Variants in GPC5 observed in about 807,000 individuals in gnomAD.
GPC5 encodes glypican-5.
A neutral mutation model predicts 53.9 loss-of-function variants in GPC5; 47 were observed. The ratio of observed to expected loss-of-function variants is 0.87; its 90% confidence interval spans 0.69 to 1.11. GPC5 has a LOEUF of 1.11. Among genes scored for constraint, GPC5 ranks in the 50% most tolerant of loss-of-function variants. The pLI is 0.00. For missense variants in GPC5, 748 were observed against 713.1 expected, an observed-to-expected ratio of 1.05 and a Z score of -0.56; for synonymous variants, 286 against 263.3, an observed-to-expected ratio of 1.09 and a Z score of -0.84.
rs570630391 is a variant in GPC5 at position 92,007,335 on chromosome 13, G to C, written c.1401+99278G>C. ...ATATATTGGCTGAAATCTCCTATTGGAGTTGTAGTTTAGTCTACCACATTT... is the reference window on the plus strand; with the variant it reads ...ATATATTGGCTGAAATCTCCTATTGCAGTTGTAGTTTAGTCTACCACATTT... On this transcript the variant is annotated intron_variant, in intron 6 of 7. Coordinates refer to ENST00000377067, the MANE Select transcript of GPC5 (RefSeq NM_004466.6). Among the ~76,000 whole-genome samples the C allele has an allele frequency of 7.9e-5, 12 of 152,152 alleles. No individual in the cohort carries two copies. In the South Asian group the frequency reaches 1.9e-3, roughly 24 times the overall value.
At chr13:92,439,980 T>C (rs1252119356) in intron 7 of GPC5, among the ~76,000 whole-genome samples, 1 of 152,152 alleles carries the variant, frequency 6.6e-6, no homozygotes, top group African/African-American at 2.4e-5. Context: ...CTTGAAGGTA[T>C]TGGCATACAA....
intron 7 of GPC5, among the ~76,000 whole-genome samples, chr13:92,699,431 G>A (rs1021139372): frequency 6.6e-6 from 1 of 151,554 alleles, no homozygotes; most frequent in Non-Finnish European, 1.5e-5. Flanking sequence ...CTCTCTTTCA[G>A]TTCTGTTCTG....
At chr13:92,744,509 A>T (rs2139316322) in intron 7 of GPC5, among the ~76,000 whole-genome samples, 1 of 152,030 alleles carries the variant, frequency 6.6e-6, no homozygotes, top group African/African-American at 2.4e-5. Flanking sequence ...ACAGGAAAAA[A>T]AAAAAAACCA....
intron 6 of GPC5, among the ~76,000 whole-genome samples, chr13:92,022,010 A>G (rs2040762794): frequency 1.3e-5 from 2 of 151,460 alleles, no homozygotes; most frequent in Admixed American, 1.3e-4. Context: ...GTATTTATTT[A>G]TTTTTTTCAG....
chr13:91,683,516 C>A (rs1056015228), intron 2 of GPC5, among the ~76,000 whole-genome samples: 5 of 152,166 alleles, frequency 3.3e-5, no homozygotes, highest in African/African-American at 1.2e-4. Flanking sequence ...CCTGGCAAAT[C>A]CTCTTTGCCT....
chr13:91,994,211 G>A (rs1314750265), intron 6 of GPC5, among the ~76,000 whole-genome samples: 1 of 152,186 alleles, frequency 6.6e-6, no homozygotes, highest in Admixed American at 6.5e-5. Flanking sequence ...TACCGTAAAG[G>A]AGAGAAAGCT....
At chr13:92,167,944 C>CA (rs1376504955) in intron 7 of GPC5, among the ~76,000 whole-genome samples, 3 of 151,988 alleles carry the variant, frequency 2.0e-5, no homozygotes, top group Non-Finnish European at 4.4e-5. Context: ...TCGTTAGATC[C>CA]AACGAGGAGG....
intron 6 of GPC5, among the ~76,000 whole-genome samples, chr13:91,948,627 T>C (rs180775770): frequency 6.6e-6 from 1 of 152,312 alleles, no homozygotes; most frequent in East Asian, 1.9e-4. Context: ...CATGAGTTCA[T>C]AAAATATGTG....
intron 7 of GPC5, among the ~76,000 whole-genome samples, chr13:92,347,183 G>C (rs2043420266): frequency 6.6e-6 from 1 of 152,150 alleles, no homozygotes; most frequent in Admixed American, 6.5e-5. Context: ...CAACATCCAG[G>C]TGTAGGAAGC....
At position 91,716,327 on chromosome 13, in the gene GPC5, C is replaced by T. The variant is rs115220274; in HGVS notation, c.1021-12205C>T. Among the ~76,000 whole-genome samples the T allele has an allele frequency of 7.5e-3, 1,142 of 152,200 alleles. 12 individuals carry two copies. The highest frequency in any genetic ancestry group is 0.026 in the African/African-American group (1,094 of 41,540). Reference sequence around the variant, plus strand: ...CACTTACAAACATCATAAAAACAGCCAATACCCCACCTCCACCTCATTAGA... The same window carrying T: ...CACTTACAAACATCATAAAAACAGCTAATACCCCACCTCCACCTCATTAGA... On this transcript the variant is annotated intron_variant, in intron 3 of 7. Coordinates refer to ENST00000377067, the MANE Select transcript of GPC5 (RefSeq NM_004466.6).
At chr13:92,440,342 G>T (rs867398082) in intron 7 of GPC5, among the ~76,000 whole-genome samples, 1 of 152,162 alleles carries the variant, frequency 6.6e-6, no homozygotes, top group Non-Finnish European at 1.5e-5. Context: ...TTATAAGTGA[G>T]AATGTGTGGT....
intron 6 of GPC5, among the ~76,000 whole-genome samples, chr13:92,016,950 C>T (rs766698555): frequency 6.6e-6 from 1 of 152,072 alleles, no homozygotes; most frequent in African/African-American, 2.4e-5. Flanking sequence ...GGCCTCATTA[C>T]CTCTGGACAA....
chr13:92,584,505 A>G (rs998688779), intron 7 of GPC5, among the ~76,000 whole-genome samples: 6 of 152,208 alleles, frequency 3.9e-5, no homozygotes, highest in African/African-American at 1.4e-4. Flanking sequence ...GTGCTGTTAA[A>G]GGCACTCAGT....
chr13:91,811,683 G>A (rs1043256049), intron 5 of GPC5, among the ~76,000 whole-genome samples: 3 of 152,094 alleles, frequency 2.0e-5, no homozygotes, highest in Non-Finnish European at 2.9e-5. Context: ...TACATTAATA[G>A]GTCATTGATT....
At chr13:92,195,124 A>G (rs1391399873) in intron 7 of GPC5, among the ~76,000 whole-genome samples, 1 of 152,222 alleles carries the variant, frequency 6.6e-6, no homozygotes, top group Admixed American at 6.5e-5. Context: ...TGGCCCTTCA[A>G]GATAAATCAA....
intron 7 of GPC5, among the ~76,000 whole-genome samples, chr13:92,249,062 T>C (rs73629616): frequency 0.072 from 10,978 of 152,106 alleles, 1,343 homozygotes; most frequent in African/African-American, 0.25. Context: ...TAGGTGCACA[T>C]ATTTATGGGG....
chr13:92,547,429 A>G (rs1882157837), intron 7 of GPC5, among the ~76,000 whole-genome samples: 1 of 152,184 alleles, frequency 6.6e-6, no homozygotes. Flanking sequence ...TTACCTGTTT[A>G]TTTTCAGCTG....
chr13:92,481,965 C>T (rs1263519336), intron 7 of GPC5, among the ~76,000 whole-genome samples: 1 of 151,988 alleles, frequency 6.6e-6, no homozygotes, highest in Non-Finnish European at 1.5e-5. Flanking sequence ...CGCATCTCTA[C>T]TAAAAATACA....
At chr13:92,394,357 T>C (rs909633110) in intron 7 of GPC5, among the ~76,000 whole-genome samples, 2 of 152,124 alleles carry the variant, frequency 1.3e-5, no homozygotes, top group Admixed American at 6.5e-5. Context: ...AGTGATAGTG[T>C]AGGAAATGAA....
Sources: allele counts gnomAD v4.1 joint callset (sites outside exome capture counted in the v4.1 genomes callset), GRCh38; gene constraint gnomAD v4.1.1; transcripts MANE v1.5; gene names NCBI Gene and HGNC (gene_info 2026-07-23, HGNC 2026-07-21).